Variants in SEM1 observed in about 807,000 individuals in gnomAD.
SEM1 encodes the protein 26S proteasome complex subunit SEM1.
Under a neutral mutation model 12.7 loss-of-function variants are expected in SEM1, and 3 were observed. The observed-to-expected ratio is 0.24, with a 90% CI of 0.11 to 0.61. The LOEUF (loss-of-function observed/expected upper bound fraction) is 0.61, where lower values mean the gene tolerates loss of function less well. Among genes scored for constraint, SEM1 ranks in the 20% least tolerant of loss-of-function variants. SEM1 has a pLI of 0.88. For missense variants in SEM1, 59 were observed against 81.3 expected (o/e 0.73, Z 1.06); for synonymous variants, 30 against 27.8 (o/e 1.08, Z -0.25).
intron 2 of SEM1, among the ~76,000 whole-genome samples, chr7:96,666,589 T>C (rs967087185): frequency 6.6e-6 from 1 of 152,032 alleles, no homozygotes; most frequent in Admixed American, 6.6e-5. Context: ...GGAGTAAGAT[T>C]GTTGCTTTAC....
chr7:96,685,783 TAAA>T (rs529595521), downstream of SEM1, among the ~76,000 whole-genome samples: 7 of 118,318 alleles, frequency 5.9e-5, no homozygotes, highest in Admixed American at 8.7e-5. Context: ...CATGGCTCAG[TAAA>T]AAAAAAAAAA....
intron 2 of SEM1, among the ~76,000 whole-genome samples, chr7:96,626,371 T>G (rs1176615436): frequency 6.6e-6 from 1 of 152,224 alleles, no homozygotes; most frequent in Non-Finnish European, 1.5e-5. Context: ...TTTTTATGGC[T>G]GAATAGTAGT....
At position 96,581,439 on chromosome 7, in the gene SEM1, G is replaced by C. The variant is rs563717190; in HGVS notation, c.171-74741C>G. Among the ~76,000 whole-genome samples the C allele has an allele frequency of 4.6e-4, 70 of 151,648 alleles. 1 individual carries two copies. In the East Asian group the frequency reaches 0.012, roughly 26 times the overall value. On this transcript the variant is annotated intron_variant and NMD_transcript_variant, in intron 2 of 3. Transcript: ENST00000466986. ...AGCTTTGTTCTTTTGTTTTAGGATT[G>C]ACTTGGCGATGCGGGCTCTTTTTTG... is the stretch of plus-strand genomic sequence containing the variant.
chr7:96,498,119 G>C (rs1803364051), upstream of SEM1, among the ~76,000 whole-genome samples: 1 of 152,144 alleles, frequency 6.6e-6, no homozygotes, highest in African/African-American at 2.4e-5. Context: ...TATAAAGCAG[G>C]TGTTACAGAT....
intron 2 of SEM1, among the ~76,000 whole-genome samples, chr7:96,607,682 G>T (rs572164785): frequency 1.3e-5 from 2 of 152,118 alleles, no homozygotes; most frequent in African/African-American, 4.8e-5. Context: ...CTGAACTTCC[G>T]GCAGCTGGTC....
intron 2 of SEM1, among the ~76,000 whole-genome samples, chr7:96,579,592 G>A (rs1340832412): frequency 1.3e-5 from 2 of 152,176 alleles, no homozygotes; most frequent in Non-Finnish European, 1.5e-5. Flanking sequence ...CCTGAATTAT[G>A]ATGTCAAAAC....
At chr7:96,535,325 A>T (rs115233030) in intron 2 of SEM1, among the ~76,000 whole-genome samples, 2,937 of 151,986 alleles carry the variant, frequency 0.019, 84 homozygotes, top group African/African-American at 0.067. Context: ...AAAAATCCTT[A>T]AGGAAAAGAC....
At chr7:96,608,939 A>C (rs1444825535) in intron 2 of SEM1, among the ~76,000 whole-genome samples, 1 of 152,186 alleles carries the variant, frequency 6.6e-6, no homozygotes, top group Non-Finnish European at 1.5e-5. Flanking sequence ...TATATACCTA[A>C]GACTGAAATT....
At chr7:96,646,407 T>G (rs1335650403) in intron 2 of SEM1, among the ~76,000 whole-genome samples, 1 of 152,214 alleles carries the variant, frequency 6.6e-6, no homozygotes, top group Admixed American at 6.5e-5. Context: ...TTCTCTTATG[T>G]TCTGGGACCA....
intron 2 of SEM1, among the ~76,000 whole-genome samples, chr7:96,639,165 T>C (rs1461828425): frequency 1.3e-5 from 2 of 151,988 alleles, no homozygotes; most frequent in East Asian, 3.8e-4. Flanking sequence ...GGGAATGATC[T>C]CCAGTTTTTT....
intron 2 of SEM1, among the ~76,000 whole-genome samples, chr7:96,544,323 C>T (rs1009310386): frequency 6.6e-6 from 1 of 152,004 alleles, no homozygotes; most frequent in Non-Finnish European, 1.5e-5. Context: ...GCACTGAGCA[C>T]CTACTATGTT....
At chr7:96,676,237 T>G (rs1456877027) in intron 2 of SEM1, among the ~76,000 whole-genome samples, 1 of 152,216 alleles carries the variant, frequency 6.6e-6, no homozygotes, top group African/African-American at 2.4e-5. Context: ...GACCTGGAGA[T>G]TAAGTCATTG....
intron 2 of SEM1, among the ~76,000 whole-genome samples, chr7:96,630,408 C>T (rs1224076766): frequency 6.6e-6 from 1 of 152,200 alleles, no homozygotes; most frequent in African/African-American, 2.4e-5. Flanking sequence ...CCTGTGGCCA[C>T]ACTACCATAG....
At chr7:96,688,998 A>G in intron 2 of SEM1, 32 bp from the exon 3 acceptor site, 1 of 1,299,304 alleles carries the variant, frequency 7.7e-7, no homozygotes, top group Non-Finnish European at 1.1e-6. Flanking sequence ...ATCACTAGGT[A>G]TTCTTTATAA....
intron 1 of SEM1, among the ~76,000 whole-genome samples, chr7:96,491,259 TAA>T (rs969713862): frequency 5.9e-5 from 9 of 152,240 alleles, no homozygotes; most frequent in Admixed American, 1.3e-4. Flanking sequence ...TGAAAATATC[TAA>T]GTGTTTTTAT....
At chr7:96,631,167 G>A (rs975727599) in intron 2 of SEM1, among the ~76,000 whole-genome samples, 2 of 152,080 alleles carry the variant, frequency 1.3e-5, no homozygotes, top group Admixed American at 6.6e-5. Context: ...CACATGCCCC[G>A]CTTAGCCCAC....
At chr7:96,542,520 C>G (rs184784518) in intron 2 of SEM1, among the ~76,000 whole-genome samples, 26 of 151,732 alleles carry the variant, frequency 1.7e-4, no homozygotes, top group African/African-American at 6.0e-4. Flanking sequence ...GGTGAAAACC[C>G]TATTATCTTG....
At chr7:96,694,504 T>C (rs1457908569) in intron 2 of SEM1, among the ~76,000 whole-genome samples, 2 of 151,986 alleles carry the variant, frequency 1.3e-5, no homozygotes, top group Admixed American at 6.6e-5. Context: ...TTATTTGATA[T>C]TGGTAGAAAA....
intron 2 of SEM1, among the ~76,000 whole-genome samples, chr7:96,587,534 G>A (rs1472710163): frequency 6.6e-6 from 1 of 152,134 alleles, no homozygotes; most frequent in Non-Finnish European, 1.5e-5. Flanking sequence ...ACCTCAGCAA[G>A]CAGTGAGTGT....
Sources: gnomAD v4.1 joint callset for allele counts (sites outside exome capture counted in the v4.1 genomes callset) on GRCh38, gnomAD v4.1.1 for gene constraint, MANE v1.5 for transcripts, NCBI Gene and HGNC (gene_info 2026-07-23, HGNC 2026-07-21) for gene names.